The following ZNF703 variants were observed in gnomAD, a reference collection of about 807,000 sequenced individuals.
ZNF703 encodes zinc finger protein 703.
Under a neutral mutation model 30.7 loss-of-function variants are expected in ZNF703, and 18 were observed. The observed-to-expected ratio is 0.59, with a 90% confidence interval of 0.40 to 0.87. The LOEUF (loss-of-function observed/expected upper bound fraction) is 0.87. Among genes scored for constraint, ZNF703 ranks in the 40% least tolerant of loss-of-function variants. ZNF703 has a pLI of 0.00. For synonymous variants in ZNF703, 457 were observed against 438.6 expected (o/e 1.04, Z -0.52); for missense variants, 814 against 847.8 (o/e 0.96, Z 0.50).
Position 37,696,440 on chromosome 8 carries a change from G to C in ZNF703, c.243+218G>C, listed in dbSNP as rs1802069872. Reference sequence around the variant, plus strand: ...GGTCTCCTTCCACGCTCGCCCTTCGGAGCTCCGTGTTTTCTCTCGGATTGG... The same window carrying C: ...GGTCTCCTTCCACGCTCGCCCTTCGCAGCTCCGTGTTTTCTCTCGGATTGG... On this transcript the variant is annotated intron_variant, in intron 1 of 1. Coordinates refer to ENST00000331569, the MANE Select transcript of ZNF703 (RefSeq NM_025069.3). This position sits in a 1 kb window ranked among gnomAD's most constrained non-coding sequence, Gnocchi z 8.2. Among the ~76,000 whole-genome samples the C allele has an allele frequency of 6.6e-6, 1 of 152,108 alleles. No individual in the cohort carries two copies. The highest frequency in any genetic ancestry group is 1.5e-5 in the Non-Finnish European group (1 of 68,018).
Position 37,698,478 on chromosome 8 carries a change from C to A in ZNF703, c.1577C>A (p.Pro526His). The A allele has an allele frequency of 1.3e-6, 2 of 1,524,090 alleles. No individual in the cohort carries two copies. The highest frequency in any genetic ancestry group is 1.8e-6 in the Non-Finnish European group (2 of 1,139,610). 94.4% of individuals were successfully genotyped at this position (1,524,090 alleles called of 1,614,324 possible). ...CTGCACCTCCCCCCGCCCGCCGCCC[C>A]CGGCAGCCCCGGGTCGCTGTCCTTG... ...CHLHLPPPAA[P>H]GSPGSLSLRN... The change falls in exon 2 of 2, where the codon CCC (proline) becomes CAC (histidine). Residue 526 changes from proline to histidine, a missense_variant. By Grantham distance (77) the Pro-to-His change is moderately conservative. Transcript: ENST00000331569.
chr8:37,697,826 C>T lies in ZNF703; in HGVS notation c.925C>T (p.Pro309Ser). The T allele has an allele frequency of 6.5e-7, 1 of 1,534,424 alleles. No individual in the cohort carries two copies. The highest frequency in any genetic ancestry group is 2.0e-5 in the Admixed American group (1 of 51,040). ...GCCGGGCCACTCGGTGTTCCCGCTGCCGCCCTCCAGCATTGGCTACCACGG... is the reference window on the plus strand; with the variant it reads ...GCCGGGCCACTCGGTGTTCCCGCTGTCGCCCTCCAGCATTGGCTACCACGG... Reference protein sequence around the residue: ...YKPGHSVFPLPPSSIGYHGSI... With the variant: ...YKPGHSVFPLSPSSIGYHGSI... Residue 309 changes from proline (P) to serine (S), a missense_variant, in exon 2 of 2, where the codon CCG (proline) becomes TCG (serine). Coordinates refer to ENST00000331569, the MANE Select transcript of ZNF703 (RefSeq NM_025069.3).
Position 37,697,618 on chromosome 8 carries a change from C to T in ZNF703, c.717C>T (p.Gly239=). Residue 239 remains glycine, a synonymous_variant, in exon 2 of 2, where the codon GGC becomes GGT. Transcript: ENST00000331569. Reference sequence around the variant, plus strand: ...GCAAGAACGGCGGCGGGGTTGGCGGCGGGGAGCTGGACAAGAAAGACCAGG... The same window carrying T: ...GCAAGAACGGCGGCGGGGTTGGCGGTGGGGAGCTGGACAAGAAAGACCAGG... ...SDCKNGGGVG[G]GELDKKDQEP... is the part of the protein sequence containing the mutation. 7.1e-7 allele frequency: 1 copy of T among 1,417,454 alleles called. No homozygotes were observed. Among genetic ancestry groups the T allele is most frequent in the Non-Finnish European group, 9.2e-7 (1 of 1,092,692 alleles). 87.8% of individuals were successfully genotyped at this position (1,417,454 alleles called of 1,614,324 possible). A position where few individuals can be genotyped will look rare whatever the true frequency, so the allele number is the denominator to read the frequency against.
At position 37,698,479 on chromosome 8, in the gene ZNF703, C is replaced by T. The variant is rs759506072; in HGVS notation, c.1578C>T (p.Pro526=). 3.4e-5 allele frequency: 52 copies of T among 1,526,884 alleles called. No homozygotes were observed. The highest frequency in any genetic ancestry group is 4.3e-5 in the African/African-American group (3 of 69,700). The allele number at this position is 1,526,884 out of a possible 1,614,324, so 94.6% of individuals were successfully genotyped here. A position where few individuals can be genotyped will look rare whatever the true frequency, so the allele number is the denominator to read the frequency against. Reference sequence around the variant, plus strand: ...TGCACCTCCCCCCGCCCGCCGCCCCCGGCAGCCCCGGGTCGCTGTCCTTGC... The same window carrying T: ...TGCACCTCCCCCCGCCCGCCGCCCCTGGCAGCCCCGGGTCGCTGTCCTTGC... ...CHLHLPPPAA[P]GSPGSLSLRN... is the part of the protein sequence containing the mutation. The change falls in exon 2 of 2, where the codon CCC becomes CCT. Residue 526 remains proline, a synonymous_variant. Coordinates refer to ENST00000331569, the MANE Select transcript of ZNF703 (RefSeq NM_025069.3).
rs1372560942 is a variant in ZNF703 at position 37,696,495 on chromosome 8, T to C, written c.243+273T>C. ...GCTCCTGGAGTCCCCTCTGGGTCCT[T>C]TACTTTTCCTCTGATCCCCAGTTTC... On this transcript the variant is annotated intron_variant, in intron 1 of 1. Coordinates refer to ENST00000331569, the MANE Select transcript of ZNF703 (RefSeq NM_025069.3). This position sits in a 1 kb window ranked among gnomAD's most constrained non-coding sequence, Gnocchi z 8.2. Among the ~76,000 whole-genome samples, 1 of 152,070 alleles carries C rather than the reference T, an allele frequency of 6.6e-6. No individual in the cohort carries two copies. Among genetic ancestry groups the C allele is most frequent in the African/African-American group, 2.4e-5 (1 of 41,418 alleles).
Position 37,699,705 on chromosome 8 carries a change from G to C in ZNF703, c.*1031G>C, listed in dbSNP as rs1457952262. The C allele has an allele frequency of 6.6e-6, 1 of 152,298 alleles. No homozygotes were observed. The highest frequency in any genetic ancestry group is 2.4e-5 in the African/African-American group (1 of 41,456). 9.4% of individuals were successfully genotyped at this position (152,298 alleles called of 1,614,324 possible). On this transcript the variant is annotated 3_prime_UTR_variant, in exon 2 of 2. Transcript: ENST00000331569. ...ACCCCTCCCCTGGCAGTAGGGGTGG[G>C]GTAGGTGACTCTCGCTAGATCCCTC...
chr8:37,697,374 C>G lies in ZNF703; in HGVS notation c.473C>G (p.Ser158Cys). The change falls in exon 2 of 2, where the codon TCC (serine) becomes TGC (cysteine). Residue 158 changes from serine (S) to cysteine (C), a missense_variant. By Grantham distance (112) the Ser-to-Cys change is moderately radical. Transcript: ENST00000331569. Reference sequence around the variant, plus strand: ...GACAAGTCCAGCTTCAAGCCCTACTCCAAGGGCTCCGGCGGCGGCGACTCC... The same window carrying G: ...GACAAGTCCAGCTTCAAGCCCTACTGCAAGGGCTCCGGCGGCGGCGACTCC... ...AEDKSSFKPY[S>C]KGSGGGDSRK... is the part of the protein sequence containing the mutation. The G allele has an allele frequency of 6.4e-7, 1 of 1,557,090 alleles. No individual in the cohort carries two copies. Among genetic ancestry groups the G allele is most frequent in the East Asian group, 2.4e-5 (1 of 41,182 alleles).
chr8:37,697,496 T>C lies in ZNF703; in HGVS notation c.595T>C (p.Cys199Arg). 6.5e-7 allele frequency: 1 copy of C among 1,531,728 alleles called. No individual in the cohort carries two copies. Among genetic ancestry groups the C allele is most frequent in the African/African-American group, 1.4e-5 (1 of 71,308 alleles). 94.9% of individuals were successfully genotyped at this position (1,531,728 alleles called of 1,614,324 possible). A position where few individuals can be genotyped will look rare whatever the true frequency, so the allele number is the denominator to read the frequency against. Residue 199 changes from cysteine (C) to arginine (R), a missense_variant, in exon 2 of 2, where the codon TGC (cysteine) becomes CGC (arginine). By Grantham distance (180) the Cys-to-Arg change is radical (BLOSUM62 -3). Transcript: ENST00000331569. The part of the protein sequence containing the change: ...KAGFRVPSAA[C>R]PPFPPHGAPV... Reference sequence around the variant, plus strand: ...GGGCTTCAGGGTCCCCAGCGCCGCCTGCCCGCCCTTTCCCCCGCATGGAGC... The same window carrying C: ...GGGCTTCAGGGTCCCCAGCGCCGCCCGCCCGCCCTTTCCCCCGCATGGAGC...
Position 37,698,409 on chromosome 8 carries a change from T to G in ZNF703, c.1508T>G (p.Leu503Arg). The G allele has an allele frequency of 6.7e-7, 1 of 1,491,336 alleles. No homozygotes were observed. The highest frequency in any genetic ancestry group is 1.3e-5 in the South Asian group (1 of 77,304). The allele number at this position is 1,491,336 out of a possible 1,614,324, so 92.4% of individuals were successfully genotyped here. ...GCCGCCTACCCCGGGGCCTCGGGCC[T>G]GGGCAGCGCCGCCGCCGCCGCCGCC... ...LLAAYPGASGLGSAAAAAAAA... is the reference protein window; with the variant it reads ...LLAAYPGASGRGSAAAAAAAA... Residue 503 changes from leucine to arginine, a missense_variant, in exon 2 of 2, where the codon CTG becomes CGG. Coordinates refer to ENST00000331569, the MANE Select transcript of ZNF703 (RefSeq NM_025069.3).
rs1157894130 is a variant in ZNF703, at chr8:37,698,736, C to T, written c.*62C>T. On this transcript the variant is annotated 3_prime_UTR_variant, in exon 2 of 2. Coordinates refer to ENST00000331569, the MANE Select transcript of ZNF703 (RefSeq NM_025069.3). ...CTCCCTCTCCCTCCTCCTCCCTCCC[C>T]ACCTGCCGTCGCCGCTGCAACCTCC... is the stretch of plus-strand genomic sequence containing the variant. 7.4e-7 allele frequency: 1 copy of T among 1,344,226 alleles called. No homozygotes were observed. The highest frequency in any genetic ancestry group is 1.5e-5 in the African/African-American group (1 of 65,488). 83.3% of individuals were successfully genotyped at this position (1,344,226 alleles called of 1,614,324 possible).
rs1225951725 is a variant in ZNF703 at position 37,698,104 on chromosome 8, G to T, written c.1203G>T (p.Ala401=). ...GCTCCAGCTGCTCCACCTGCAGCGC[G>T]CACGACCCTGCCGGGCCCAGCCTGA... ...LGGSSCSTCS[A]HDPAGPSLKA... Residue 401 remains alanine (A), a synonymous_variant, in exon 2 of 2, where the codon GCG becomes GCT. Coordinates refer to ENST00000331569, the MANE Select transcript of ZNF703 (RefSeq NM_025069.3). 1 of 1,535,042 alleles carries T rather than the reference G, an allele frequency of 6.5e-7. No homozygotes were observed. The highest frequency in any genetic ancestry group is 1.2e-5 in the South Asian group (1 of 83,880).
At position 37,697,037 on chromosome 8, in the gene ZNF703, CCCGCCCCGCCCCGTGGCGCCG is replaced by C. The variant is rs1243457621; in HGVS notation, c.244-101_244-81del. 9 of 1,299,238 alleles carry C rather than the reference CCCGCCCCGCCCCGTGGCGCCG, an allele frequency of 6.9e-6. No homozygotes were observed. The African/African-American group carries it at 1.1e-4, about 16-fold the overall frequency. 80.5% of individuals were successfully genotyped at this position (1,299,238 alleles called of 1,614,324 possible). A position where few individuals can be genotyped will look rare whatever the true frequency, so the allele number is the denominator to read the frequency against. ...CTCGCTCGCAGACCCTCTCCCCAGG[CCCGCCCCGCCCCGTGGCGCCG>C]CCGCCCAGCTCCCCGGGCGCCCCCG... On this transcript the variant is annotated intron_variant, in intron 1 of 1. Coordinates refer to ENST00000331569, the MANE Select transcript of ZNF703 (RefSeq NM_025069.3).
rs558098201 is a variant in ZNF703 at position 37,697,555 on chromosome 8, C to T, written c.654C>T (p.Pro218=). The T allele has an allele frequency of 1.4e-5, 21 of 1,469,768 alleles. No individual in the cohort carries two copies. The East Asian group carries it at 5.4e-4, about 38-fold the overall frequency. The allele number at this position is 1,469,768 out of a possible 1,614,324, so 91.0% of individuals were successfully genotyped here. A position where few individuals can be genotyped will look rare whatever the true frequency, so the allele number is the denominator to read the frequency against. The change falls in exon 2 of 2, where the codon CCC becomes CCT. Residue 218 remains proline (P), a synonymous_variant. Coordinates refer to ENST00000331569, the MANE Select transcript of ZNF703 (RefSeq NM_025069.3). ...CCGCATCCTCGTCCTCGTCGTCGCC[C>T]GGCGGCTCCCGCGGCGGCTCCCCGC... The part of the protein sequence containing the change: ...PVSASSSSSS[P]GGSRGGSPHH...
At position 37,698,130 on chromosome 8, in the gene ZNF703, A is replaced by G; in HGVS notation, c.1229A>G (p.Lys410Arg). The change falls in exon 2 of 2, where the codon AAG (lysine) becomes AGG (arginine). Residue 410 changes from lysine (K) to arginine (R), a missense_variant. Coordinates refer to ENST00000331569, the MANE Select transcript of ZNF703 (RefSeq NM_025069.3). ...SAHDPAGPSL[K>R]AGGYPLVYPG... ...CACGACCCTGCCGGGCCCAGCCTGA[A>G]GGCGGGGGGCTACCCGCTGGTGTAC... 2.7e-6 allele frequency: 4 copies of G among 1,487,220 alleles called. No individual in the cohort carries two copies. The highest frequency in any genetic ancestry group is 3.6e-6 in the Non-Finnish European group (4 of 1,109,120). The allele number at this position is 1,487,220 out of a possible 1,614,324, so 92.1% of individuals were successfully genotyped here. A position where few individuals can be genotyped will look rare whatever the true frequency, so the allele number is the denominator to read the frequency against.
At position 37,697,737 on chromosome 8, in the gene ZNF703, G is replaced by T. The variant is rs1415554196; in HGVS notation, c.836G>T (p.Arg279Leu). ...GGCGCCGAGTCCGGGGCCTCCGGGC[G>T]CAAGTCCGAGCCGCCCTCGGCGCTG... Reference protein sequence around the residue: ...HGGAESGASGRKSEPPSALVG... With the variant: ...HGGAESGASGLKSEPPSALVG... Residue 279 changes from arginine (R) to leucine (L), a missense_variant, in exon 2 of 2, where the codon CGC (arginine) becomes CTC (leucine). Coordinates refer to ENST00000331569, the MANE Select transcript of ZNF703 (RefSeq NM_025069.3). The T allele has an allele frequency of 2.1e-6, 3 of 1,406,406 alleles. No homozygotes were observed. Among genetic ancestry groups the T allele is most frequent in the African/African-American group, 1.5e-5 (1 of 66,250 alleles). The allele number at this position is 1,406,406 out of a possible 1,614,324, so 87.1% of individuals were successfully genotyped here.
chr8:37,697,717 C>G lies in ZNF703; in HGVS notation c.816C>G (p.Ala272=). The G allele has an allele frequency of 4.4e-6, 6 of 1,368,680 alleles. No homozygotes were observed. The highest frequency in any genetic ancestry group is 5.6e-6 in the Non-Finnish European group (6 of 1,069,922). The allele number at this position is 1,368,680 out of a possible 1,614,324, so 84.8% of individuals were successfully genotyped here. Residue 272 remains alanine (A), a synonymous_variant, in exon 2 of 2, where the codon GCC becomes GCG. Coordinates refer to ENST00000331569, the MANE Select transcript of ZNF703 (RefSeq NM_025069.3). ...GGGEPGAHGG[A]ESGASGRKSE... Reference sequence around the variant, plus strand: ...GGGAGCCCGGGGCGCACGGTGGCGCCGAGTCCGGGGCCTCCGGGCGCAAGT... The same window carrying G: ...GGGAGCCCGGGGCGCACGGTGGCGCGGAGTCCGGGGCCTCCGGGCGCAAGT...
Position 37,696,073 on chromosome 8 carries a change from G to T in ZNF703, c.94G>T (p.Ala32Ser), listed in dbSNP as rs1490468858. ...CGGGAAGAGGCCGGCGGTGCCGGCA[G>T]CGGTGTCCCTCTTGCCACCGGCGGA... Reference protein sequence around the residue: ...GGGKRPAVPAAVSLLPPADPL... With the variant: ...GGGKRPAVPASVSLLPPADPL... Residue 32 changes from alanine (A) to serine (S), a missense_variant, in exon 1 of 2, where the codon GCG becomes TCG. Coordinates refer to ENST00000331569, the MANE Select transcript of ZNF703 (RefSeq NM_025069.3). This position sits in a 1 kb window ranked among gnomAD's most constrained non-coding sequence, Gnocchi z 8.2. 1 of 1,565,472 alleles carries T rather than the reference G, an allele frequency of 6.4e-7. No individual in the cohort carries two copies. The highest frequency in any genetic ancestry group is 1.2e-5 in the South Asian group (1 of 86,354).
rs781488489 is a variant in ZNF703, at chr8:37,696,092, C to T, written c.113C>T (p.Pro38Leu). The change falls in exon 1 of 2, where the codon CCG (proline) becomes CTG (leucine). Residue 38 changes from proline to leucine, a missense_variant. Coordinates refer to ENST00000331569, the MANE Select transcript of ZNF703 (RefSeq NM_025069.3). This position sits in a 1 kb window ranked among gnomAD's most constrained non-coding sequence, Gnocchi z 8.2. ...AVPAAVSLLPPADPLRQANRL... is the reference protein window; with the variant it reads ...AVPAAVSLLPLADPLRQANRL... The stretch of plus-strand genomic sequence containing the variant: ...CCGGCAGCGGTGTCCCTCTTGCCAC[C>T]GGCGGACCCCCTGCGCCAGGCGAAC... 45 of 1,589,668 alleles carry T rather than the reference C, an allele frequency of 2.8e-5. No individual in the cohort carries two copies. Among genetic ancestry groups the T allele is most frequent in the Non-Finnish European group, 3.9e-5 (45 of 1,168,306 alleles).
chr8:37,696,372 G>C lies in ZNF703; in HGVS notation c.243+150G>C, dbSNP rs1343181089. 2 of 1,323,608 alleles carry C rather than the reference G, an allele frequency of 1.5e-6. No individual in the cohort carries two copies. Among genetic ancestry groups the C allele is most frequent in the Non-Finnish European group, 2.0e-6 (2 of 1,002,728 alleles). The allele number at this position is 1,323,608 out of a possible 1,614,324, so 82.0% of individuals were successfully genotyped here. A position where few individuals can be genotyped will look rare whatever the true frequency, so the allele number is the denominator to read the frequency against. On this transcript the variant is annotated intron_variant, in intron 1 of 1. Transcript: ENST00000331569. The surrounding 1 kb of genome is among the most constrained non-coding windows in gnomAD (Gnocchi z 8.2). Reference sequence around the variant, plus strand: ...GAGTGAGGAGGGGAAGAAAACCGAGGGATCAGAGCCCACCAGGGCTTCCCC... The same window carrying C: ...GAGTGAGGAGGGGAAGAAAACCGAGCGATCAGAGCCCACCAGGGCTTCCCC...
Sources: gnomAD v4.1 joint callset for allele counts (sites outside exome capture counted in the v4.1 genomes callset) on GRCh38, gnomAD v4.1.1 for gene constraint, Gnocchi (gnomAD v3.1) non-coding constraint, MANE v1.5 for transcripts, NCBI Gene and HGNC (gene_info 2026-07-23, HGNC 2026-07-21) for gene names.